Variants in PIEZO1 observed in about 807,000 individuals in gnomAD.
PIEZO1 encodes piezo-type mechanosensitive ion channel component 1.
Under a neutral mutation model 297.2 loss-of-function variants are expected in PIEZO1, and 296 were observed. The observed-to-expected ratio is 1.00, with a 90% CI of 0.91 to 1.10. The LOEUF is 1.10. PIEZO1 is among the 50% of genes least tolerant of loss of function. The pLI, the probability that PIEZO1 is intolerant of heterozygous loss-of-function variation, is 0.00. For synonymous variants in PIEZO1, 2,427 were observed against 1,507.5 expected, an observed-to-expected ratio of 1.61 and a Z score of -14.13; for missense variants, 5,018 against 3,455.5, an observed-to-expected ratio of 1.45 and a Z score of -11.34.
intron 34 of PIEZO1, 72 bp downstream of exon 34, chr16:88,722,765 G>C (rs1258269066): frequency 6.5e-7 from 1 of 1,528,984 alleles, no homozygotes. Context: ...GTGGGCGCGG[G>C]ACTAGGCTGT....
chr16:88,722,195 T>G lies in PIEZO1; in HGVS notation c.4955+23A>C, dbSNP rs1904284417. ...TCCCCGAGGGCCATGGTGAGGCTGG[T>G]GTTGTGCGCGTCCCGCCCCCACCTG... On this transcript the variant is annotated intron_variant, in intron 36 of 50. Coordinates refer to ENST00000301015, the MANE Select transcript of PIEZO1 (RefSeq NM_001142864.4). 2.6e-6 allele frequency: 4 copies of G among 1,539,022 alleles called. 1 individual carries two copies. The Admixed American group carries it at 7.9e-5, about 30-fold the overall frequency.
intron 12 of PIEZO1, among the ~76,000 whole-genome samples, chr16:88,735,784 C>G (rs1286199524): frequency 6.6e-6 from 1 of 152,220 alleles, no homozygotes; most frequent in Non-Finnish European, 1.5e-5. Context: ...TGCCAATGGG[C>G]AGAGCCCACG....
intron 1 of PIEZO1, among the ~76,000 whole-genome samples, chr16:88,782,252 G>A (rs1057046951): frequency 5.9e-5 from 9 of 152,134 alleles, no homozygotes; most frequent in African/African-American, 1.7e-4. Context: ...TGGGACTACA[G>A]GTGCACTACC....
chr16:88,785,071 C>G lies in PIEZO1; in HGVS notation c.-107G>C. ...GCCATGGCTGACCCGCGGGGACCCG[C>G]GCGCCGCCTTCTCCTCTTCCTCCTT... is the stretch of plus-strand genomic sequence containing the variant. On this transcript the variant is annotated 5_prime_UTR_variant, in exon 1 of 51. Coordinates refer to ENST00000301015, the MANE Select transcript of PIEZO1 (RefSeq NM_001142864.4). 1 of 603,452 alleles carries G rather than the reference C, an allele frequency of 1.7e-6. No individual in the cohort carries two copies. The highest frequency in any genetic ancestry group is 4.9e-5 in the Admixed American group (1 of 20,268). 37.4% of individuals were successfully genotyped at this position (603,452 alleles called of 1,614,324 possible).
chr16:88,716,109 G>A lies in PIEZO1; in HGVS notation c.7140C>T (p.Ala2380=), dbSNP rs768280742. The A allele has an allele frequency of 2.6e-5, 40 of 1,545,554 alleles. No individual in the cohort carries two copies. Among genetic ancestry groups the A allele is most frequent in the South Asian group, 1.2e-4 (10 of 83,644 alleles). Residue 2380 remains alanine (A), a synonymous_variant, in exon 50 of 51, where the codon GCC becomes GCT. Coordinates refer to ENST00000301015, the MANE Select transcript of PIEZO1 (RefSeq NM_001142864.4). ...PVKQLQPNEE[A]DYLGVRIQLR... ...GCTGGATACGCACGCCGAGGTAGTC[G>A]GCCTCCTCATCTGGGATGGAGGGAG...
chr16:88,734,025 A>G lies in PIEZO1; in HGVS notation c.2210T>C (p.Leu737Pro). The G allele has an allele frequency of 1.3e-6, 2 of 1,543,692 alleles. No individual in the cohort carries two copies. The highest frequency in any genetic ancestry group is 1.7e-6 in the Non-Finnish European group (2 of 1,142,928). ...CTGATGCTCCTGCTGCTCCTCCCGC[A>G]GCAGTGGGGTCCCACTCACTGCATC... ...RQDAVSGTPL[L>P]REEQQEHQQQ... is the part of the protein sequence containing the mutation. The change falls in exon 17 of 51, where the codon CTG becomes CCG. Residue 737 changes from leucine (L) to proline (P), a missense_variant. Leu to Pro is a moderately conservative substitution (Grantham distance 98, BLOSUM62 -3). Coordinates refer to ENST00000301015, the MANE Select transcript of PIEZO1 (RefSeq NM_001142864.4).
chr16:88,734,772 C>G lies in PIEZO1; in HGVS notation c.1875G>C (p.Leu625=), dbSNP rs1315022459. 30 of 1,550,182 alleles carry G rather than the reference C, an allele frequency of 1.9e-5. No homozygotes were observed. Among genetic ancestry groups the G allele is most frequent in the Non-Finnish European group, 2.4e-5 (28 of 1,146,904 alleles). The change falls in exon 15 of 51, where the codon CTG becomes CTC. Residue 625 remains leucine (L), a synonymous_variant. Transcript: ENST00000301015. The part of the protein sequence containing the change: ...FQVYYSLWRK[L]LKAFWWLVVA... ...CCACGAGCCACCAGAAGGCCTTGAG[C>G]AGCTTCCGCCACAGGCTGTAGTAGA...
chr16:88,730,974 G>C (rs1904762450), intron 22 of PIEZO1, among the ~76,000 whole-genome samples: 1 of 152,260 alleles, frequency 6.6e-6, no homozygotes, highest in Non-Finnish European at 1.5e-5. Context: ...GTGCCACTGT[G>C]GGGCAGGTGG....
intron 25 of PIEZO1, 22 bp downstream of exon 25, chr16:88,726,692 GT>G (rs1597450261): frequency 1.2e-5 from 18 of 1,545,492 alleles, no homozygotes; most frequent in African/African-American, 1.4e-5. Flanking sequence ...AGGGCGGTGG[GT>G]GCGGGGGGGC....
intron 1 of PIEZO1, among the ~76,000 whole-genome samples, chr16:88,784,044 G>C (rs974699940): frequency 7.2e-5 from 11 of 152,308 alleles, no homozygotes; most frequent in African/African-American, 2.4e-4. Context: ...CGGAGGGCGC[G>C]GACCCTGGGT....
At chr16:88,743,421 C>T in intron 2 of PIEZO1, 2 of 436,678 alleles carry the variant, frequency 4.6e-6, no homozygotes, top group South Asian at 1.6e-5. Context: ...GCACCACCAG[C>T]CACGCCCGGC....
Position 88,722,270 on chromosome 16 carries a change from C to G in PIEZO1, c.4903G>C (p.Ala1635Pro), listed in dbSNP as rs1461116824. ...CGCATCAGTCCCTGGTACAGAGAGG[C>G]ACCAGCCTCACGCTCCCCGGGGTCG... Reference protein sequence around the residue: ...VTDPGEREAGASLYQGLMRTA... With the variant: ...VTDPGEREAGPSLYQGLMRTA... The change falls in exon 36 of 51, where the codon GCC becomes CCC. Residue 1635 changes from alanine (A) to proline (P), a missense_variant. Ala to Pro is a conservative substitution (Grantham distance 27). Transcript: ENST00000301015. 6.5e-7 allele frequency: 1 copy of G among 1,548,440 alleles called. No individual in the cohort carries two copies. Among genetic ancestry groups the G allele is most frequent in the African/African-American group, 1.4e-5 (1 of 73,174 alleles).
At chr16:88,725,115 C>G (rs752459432) in intron 29 of PIEZO1, 35 bp from the exon 30 acceptor site, 19 of 1,450,116 alleles carry the variant, frequency 1.3e-5, no homozygotes, top group Non-Finnish European at 1.7e-5. Flanking sequence ...AGGCAGCAGT[C>G]AAGCCACCAG....
chr16:88,778,790 G>C (rs909893240), intron 1 of PIEZO1, among the ~76,000 whole-genome samples: 2 of 152,178 alleles, frequency 1.3e-5, no homozygotes, highest in African/African-American at 2.4e-5. Flanking sequence ...AGAAGGGCGA[G>C]AGGCTCGTGT....
chr16:88,722,109 G>A lies in PIEZO1; in HGVS notation c.4956-43C>T, dbSNP rs767710568. ...TGTTTGGGGGAGTCTGGGACTGCCC[G>A]AAGGCATGACGGCCCGATCTGTTGC... On this transcript the variant is annotated intron_variant, in intron 36 of 50. Coordinates refer to ENST00000301015, the MANE Select transcript of PIEZO1 (RefSeq NM_001142864.4). 2.7e-5 allele frequency: 42 copies of A among 1,530,422 alleles called. 1 individual carries two copies. The highest frequency in any genetic ancestry group is 2.3e-4 in the Middle Eastern group (1 of 4,344). The allele number at this position is 1,530,422 out of a possible 1,614,324, so 94.8% of individuals were successfully genotyped here.
chr16:88,772,464 G>C (rs1413216267), intron 1 of PIEZO1, among the ~76,000 whole-genome samples: 1 of 152,200 alleles, frequency 6.6e-6, no homozygotes, highest in African/African-American at 2.4e-5. Flanking sequence ...GTGGCAGAGG[G>C]CACGGCTTCC....
chr16:88,735,292 C>A (rs745939015), intron 12 of PIEZO1, 46 bp from the exon 13 acceptor site: 2 of 1,366,748 alleles, frequency 1.5e-6, no homozygotes, highest in East Asian at 5.0e-5. Context: ...GGCCCAGCAC[C>A]CCTCCCACAG....
At chr16:88,735,874 CA>C (rs1567673835) in intron 12 of PIEZO1, among the ~76,000 whole-genome samples, 1 of 152,072 alleles carries the variant, frequency 6.6e-6, no homozygotes, top group Non-Finnish European at 1.5e-5. Flanking sequence ...TGTCGGGGCA[CA>C]GGGGTGGTGC....
At chr16:88,754,664 G>A (rs1435150954) in intron 1 of PIEZO1, among the ~76,000 whole-genome samples, 1 of 152,236 alleles carries the variant, frequency 6.6e-6, no homozygotes, top group Non-Finnish European at 1.5e-5. Context: ...GCTCCCTCCA[G>A]GAGCCACACA....
Sources: gnomAD v4.1 joint callset for allele counts (sites outside exome capture counted in the v4.1 genomes callset) on GRCh38, gnomAD v4.1.1 for gene constraint, MANE v1.5 for transcripts, NCBI Gene and HGNC (gene_info 2026-07-23, HGNC 2026-07-21) for gene names.